Variants in MAST4 observed in about 807,000 individuals in gnomAD.
MAST4 encodes the protein microtubule-associated serine/threonine-protein kinase 4.
Under a neutral mutation model 162.7 loss-of-function variants are expected in MAST4, and 89 were observed. The ratio of observed to expected loss-of-function variants is 0.55; its 90% CI spans 0.46 to 0.65. MAST4 has a LOEUF of 0.65. MAST4 is among the 30% of genes least tolerant of loss of function. MAST4 has a pLI of 0.00. For missense variants in MAST4, 3,153 were observed against 3,374.0 expected (o/e 0.93, Z 1.62); for synonymous variants, 1,479 against 1,361.1 (o/e 1.09, Z -1.91).
At chr5:66,752,374 A>T (rs1377856908) in intron 1 of MAST4, among the ~76,000 whole-genome samples, 1 of 149,768 alleles carries the variant, frequency 6.7e-6, no homozygotes, top group African/African-American at 2.5e-5. Context: ...GTCCAGACCC[A>T]TCAGTGGGCT....
At chr5:66,845,116 T>TAC (rs1455577693) in intron 3 of MAST4, among the ~76,000 whole-genome samples, 1 of 129,570 alleles carries the variant, frequency 7.7e-6, no homozygotes, top group African/African-American at 3.1e-5. Flanking sequence ...TATATATATA[T>TAC]ATATATATAT....
chr5:66,974,174 C>T (rs1447314139), intron 4 of MAST4, among the ~76,000 whole-genome samples: 1 of 152,152 alleles, frequency 6.6e-6, no homozygotes, highest in East Asian at 1.9e-4. Flanking sequence ...TTTCTTATAG[C>T]GAATATCTCA....
At chr5:66,937,389 A>G (rs1370103251) in intron 4 of MAST4, among the ~76,000 whole-genome samples, 3 of 152,202 alleles carry the variant, frequency 2.0e-5, no homozygotes, top group Non-Finnish European at 4.4e-5. Context: ...ACCTCAAAGT[A>G]TATGGCACCT....
At chr5:66,911,994 T>G (rs917231072) in intron 4 of MAST4, among the ~76,000 whole-genome samples, 1 of 152,166 alleles carries the variant, frequency 6.6e-6, no homozygotes, top group Admixed American at 6.5e-5. Context: ...TCCAATGCAG[T>G]CTTTTATTGT....
At chr5:67,104,609 A>G in intron 10 of MAST4, 34 bp downstream of exon 10, 2 of 1,567,554 alleles carry the variant, frequency 1.3e-6, no homozygotes, top group Non-Finnish European at 1.7e-6. Context: ...TTTCTGATTT[A>G]TTTTGCTTTT....
chr5:66,984,647 T>C, intron 4 of MAST4, among the ~76,000 whole-genome samples: 1 of 151,734 alleles, frequency 6.6e-6, no homozygotes, highest in Non-Finnish European at 1.5e-5. Context: ...TGAGAGAGAA[T>C]GTTGCCTTGG....
chr5:67,090,345 C>A (rs1359610583), intron 6 of MAST4, 114 bp downstream of exon 6: 2 of 481,788 alleles, frequency 4.2e-6, no homozygotes, highest in Non-Finnish European at 7.3e-6. Flanking sequence ...TTCTCCCCCT[C>A]CCCACTTCCC....
chr5:66,944,255 A>G (rs1014641764), intron 4 of MAST4, among the ~76,000 whole-genome samples: 1 of 152,282 alleles, frequency 6.6e-6, no homozygotes, highest in Non-Finnish European at 1.5e-5. Context: ...ATTGCCTTAT[A>G]TGATAAACAA....
At chr5:66,755,026 A>G (rs1386303975) in intron 1 of MAST4, among the ~76,000 whole-genome samples, 2 of 152,158 alleles carry the variant, frequency 1.3e-5, no homozygotes, top group Non-Finnish European at 2.9e-5. Flanking sequence ...ACTAGAGAGA[A>G]GGACTCCAGC....
At chr5:67,149,043 G>C (rs188898988) in intron 23 of MAST4, among the ~76,000 whole-genome samples, 269 of 152,096 alleles carry the variant, frequency 1.8e-3, no homozygotes, top group Middle Eastern at 3.4e-3. Flanking sequence ...TCATGGTATG[G>C]GGGGGGTAGG....
chr5:66,900,668 A>T (rs558089577), intron 4 of MAST4, among the ~76,000 whole-genome samples: 1 of 152,098 alleles, frequency 6.6e-6, no homozygotes, highest in Non-Finnish European at 1.5e-5. Context: ...AAACATTTAC[A>T]TTTGATGTCT....
chr5:66,973,564 T>C (rs1156344357), intron 4 of MAST4, among the ~76,000 whole-genome samples: 1 of 152,200 alleles, frequency 6.6e-6, no homozygotes, highest in Non-Finnish European at 1.5e-5. Context: ...CTGCCAGATT[T>C]TCCCTTTATG....
intron 3 of MAST4, among the ~76,000 whole-genome samples, chr5:66,824,045 T>G (rs371155379): frequency 6.6e-6 from 1 of 152,312 alleles, no homozygotes; most frequent in South Asian, 2.1e-4. Context: ...AAGTAATCAG[T>G]GAATGAATGG....
At chr5:66,956,753 C>T (rs1745366514) in intron 4 of MAST4, among the ~76,000 whole-genome samples, 1 of 152,120 alleles carries the variant, frequency 6.6e-6, no homozygotes, top group Admixed American at 6.5e-5. Context: ...AAATTTGTGG[C>T]TTTTACTCAC....
chr5:66,983,327 G>T (rs1174997720), intron 4 of MAST4, among the ~76,000 whole-genome samples: 1 of 152,116 alleles, frequency 6.6e-6, no homozygotes, highest in African/African-American at 2.4e-5. Flanking sequence ...GATGACAGAC[G>T]GCCATCCCTT....
At chr5:66,891,594 A>G (rs1459149318) in intron 3 of MAST4, among the ~76,000 whole-genome samples, 1 of 152,052 alleles carries the variant, frequency 6.6e-6, no homozygotes, top group Non-Finnish European at 1.5e-5. Flanking sequence ...CCCTGCCTCC[A>G]TACTCCTGTC....
intron 4 of MAST4, among the ~76,000 whole-genome samples, chr5:66,969,493 G>C (rs1223332888): frequency 6.6e-6 from 1 of 152,224 alleles, no homozygotes; most frequent in Non-Finnish European, 1.5e-5. Flanking sequence ...CAAGAATGGA[G>C]CATATGGTGG....
intron 3 of MAST4, among the ~76,000 whole-genome samples, chr5:66,808,396 T>C (rs1267792061): frequency 6.6e-6 from 1 of 152,236 alleles, no homozygotes; most frequent in Non-Finnish European, 1.5e-5. Context: ...CAGTTTAACA[T>C]TCATGTCAAA....
intron 12 of MAST4, chr5:67,115,045 C>CATA (rs1766722371): frequency 1.3e-5 from 1 of 76,692 alleles, no homozygotes; most frequent in Non-Finnish European, 3.0e-5. Context: ...AACTCCGACT[C>CATA]AAAAAAAAAA....
Sources: gnomAD v4.1 joint callset for allele counts (sites outside exome capture counted in the v4.1 genomes callset) on GRCh38, gnomAD v4.1.1 for gene constraint, MANE v1.5 for transcripts, NCBI Gene and HGNC (gene_info 2026-07-23, HGNC 2026-07-21) for gene names.